AUTS2: variants seen among roughly 807,000 people sequenced by gnomAD.
AUTS2 encodes the protein activator of transcription and developmental regulator AUTS2.
In AUTS2, 17 loss-of-function variants were observed where a neutral mutation model predicts 112.4. The observed-to-expected ratio is 0.15, with a 90% confidence interval of 0.10 to 0.23. The LOEUF is 0.23. AUTS2 is among the 10% of genes least tolerant of loss of function. The pLI, the probability that AUTS2 is intolerant of heterozygous loss-of-function variation, is 1.00. For missense variants in AUTS2, 1,510 were observed against 1,701.6 expected (o/e 0.89, Z 1.98); for synonymous variants, 751 against 702.7 (o/e 1.07, Z -1.09).
At chr7:70,353,057 T>A (rs1791838738) in intron 4 of AUTS2, among the ~76,000 whole-genome samples, 1 of 152,188 alleles carries the variant, frequency 6.6e-6, no homozygotes, top group Non-Finnish European at 1.5e-5. Flanking sequence ...CAAACACTTG[T>A]CCCTGAGTCT....
chr7:70,256,630 G>T (rs910261677), intron 4 of AUTS2, among the ~76,000 whole-genome samples: 1 of 152,164 alleles, frequency 6.6e-6, no homozygotes, highest in African/African-American at 2.4e-5. Context: ...ACACATCACC[G>T]TGGCTGACCA....
chr7:70,006,386 A>G (rs973777264), intron 2 of AUTS2, among the ~76,000 whole-genome samples: 1 of 152,212 alleles, frequency 6.6e-6, no homozygotes, highest in African/African-American at 2.4e-5. Context: ...AGTGCTTGAA[A>G]AAAGAAAGGC....
chr7:70,461,710 TAA>T (rs1796970808), intron 5 of AUTS2, among the ~76,000 whole-genome samples: 1 of 152,098 alleles, frequency 6.6e-6, no homozygotes, highest in Admixed American at 6.5e-5. Flanking sequence ...GGTAATGAGA[TAA>T]ATTACCCTAG....
intron 1 of AUTS2, among the ~76,000 whole-genome samples, chr7:69,746,245 T>G (rs749704028): frequency 5.9e-5 from 9 of 152,122 alleles, no homozygotes; most frequent in Non-Finnish European, 8.8e-5. Flanking sequence ...GTTCTCTCAT[T>G]TATTAATTCA....
chr7:69,818,089 AAG>A (rs1562903997), intron 1 of AUTS2, among the ~76,000 whole-genome samples: 1 of 152,188 alleles, frequency 6.6e-6, no homozygotes, highest in Non-Finnish European at 1.5e-5. Context: ...ATGTTGAAAA[AAG>A]AGAAGAAAAG....
chr7:70,242,764 C>G (rs1008380804), intron 4 of AUTS2, among the ~76,000 whole-genome samples: 2 of 152,070 alleles, frequency 1.3e-5, no homozygotes, highest in African/African-American at 4.8e-5. Flanking sequence ...TCTTAAAGTA[C>G]AGTTTTCAAA....
intron 4 of AUTS2, among the ~76,000 whole-genome samples, chr7:70,259,301 C>CT (rs899726381): frequency 8.3e-4 from 119 of 143,716 alleles, no homozygotes; most frequent in Admixed American, 1.9e-3. Flanking sequence ...TAGAGCTTGG[C>CT]TTTTTTTTTT....
At chr7:69,721,540 A>G (rs1798941374) in intron 1 of AUTS2, among the ~76,000 whole-genome samples, 1 of 152,204 alleles carries the variant, frequency 6.6e-6, no homozygotes, top group Non-Finnish European at 1.5e-5. Context: ...TAATTTATAT[A>G]AAAATTTGTG....
At chr7:70,400,872 T>C (rs993766311) in intron 4 of AUTS2, among the ~76,000 whole-genome samples, 6 of 152,092 alleles carry the variant, frequency 3.9e-5, no homozygotes, top group Middle Eastern at 3.2e-3. Flanking sequence ...TTTAACAAGC[T>C]CCCTAGGCAA....
At chr7:70,353,882 C>G (rs1791876303) in intron 4 of AUTS2, among the ~76,000 whole-genome samples, 1 of 152,204 alleles carries the variant, frequency 6.6e-6, no homozygotes, top group Non-Finnish European at 1.5e-5. Context: ...CTCTGCCTCA[C>G]CATCCTGCCT....
chr7:70,492,665 C>T (rs1430106763), intron 5 of AUTS2, among the ~76,000 whole-genome samples: 1 of 152,182 alleles, frequency 6.6e-6, no homozygotes, highest in Non-Finnish European at 1.5e-5. Flanking sequence ...CCCAGAAGTG[C>T]TGATTCCCAG....
intron 4 of AUTS2, chr7:70,194,690 A>C (rs763760473): frequency 2.0e-5 from 3 of 152,210 alleles, no homozygotes; most frequent in Admixed American, 6.5e-5. Context: ...TTTAACTTTG[A>C]AGATAATAAT....
At chr7:69,636,388 C>T (rs2129110429) in intron 1 of AUTS2, among the ~76,000 whole-genome samples, 1 of 151,722 alleles carries the variant, frequency 6.6e-6, no homozygotes, top group South Asian at 2.1e-4. Flanking sequence ...GTGTGTGCCA[C>T]CACACGTGGC....
chr7:70,111,777 C>T (rs879688510), intron 2 of AUTS2, among the ~76,000 whole-genome samples: 28 of 152,024 alleles, frequency 1.8e-4, no homozygotes, highest in Non-Finnish European at 3.4e-4. Flanking sequence ...TTCTTAAAAA[C>T]TTTAGACTGC....
intron 5 of AUTS2, among the ~76,000 whole-genome samples, chr7:70,584,321 G>T (rs972188023): frequency 2.0e-5 from 3 of 152,206 alleles, no homozygotes; most frequent in African/African-American, 7.2e-5. Flanking sequence ...CACTGCTTTA[G>T]CAGACAGGCC....
intron 2 of AUTS2, among the ~76,000 whole-genome samples, chr7:69,921,332 T>G (rs1224345882): frequency 6.8e-6 from 1 of 147,310 alleles, no homozygotes; most frequent in African/African-American, 2.6e-5. Context: ...TTGAAGTTTT[T>G]TTTTTTTTTT....
At chr7:70,600,439 C>A (rs1488461280) in intron 5 of AUTS2, among the ~76,000 whole-genome samples, 2 of 152,090 alleles carry the variant, frequency 1.3e-5, no homozygotes, top group Non-Finnish European at 2.9e-5. Flanking sequence ...CCACTCCTGG[C>A]TAATTTTTGT....
At chr7:70,455,089 T>C (rs1402707452) in intron 5 of AUTS2, among the ~76,000 whole-genome samples, 1 of 152,194 alleles carries the variant, frequency 6.6e-6, no homozygotes, top group Admixed American at 6.5e-5. Flanking sequence ...TGTTGTTTGT[T>C]TGTTTATGTT....
intron 5 of AUTS2, among the ~76,000 whole-genome samples, chr7:70,469,901 A>G (rs969195896): frequency 6.6e-6 from 1 of 152,166 alleles, no homozygotes; most frequent in African/African-American, 2.4e-5. Context: ...TGGCCTCCCA[A>G]AGTACTGGGA....
Sources: allele counts gnomAD v4.1 joint callset (sites outside exome capture counted in the v4.1 genomes callset), GRCh38; gene constraint gnomAD v4.1.1; transcripts MANE v1.5; gene names NCBI Gene and HGNC (gene_info 2026-07-23, HGNC 2026-07-21).